Variants in CNTNAP3 observed in about 807,000 individuals in gnomAD.
CNTNAP3 encodes the protein contactin-associated protein-like 3.
Under a neutral mutation model 92.1 loss-of-function variants are expected in CNTNAP3, and 36 were observed. That is an observed-to-expected ratio of 0.39 (90% confidence interval 0.30 to 0.52). The LOEUF is 0.52. Ranked by LOEUF, CNTNAP3 falls within the 20% of genes least tolerant of loss-of-function variation. The pLI is 0.76. For missense variants in CNTNAP3, 534 were observed against 1,069.6 expected (o/e 0.50, Z 6.98); for synonymous variants, 232 against 422.3 (o/e 0.55, Z 5.53).
At chr9:39,132,108 C>A (rs985266676) in intron 13 of CNTNAP3, among the ~76,000 whole-genome samples, 3 of 152,052 alleles carry the variant, frequency 2.0e-5, no homozygotes, top group African/African-American at 7.3e-5. Flanking sequence ...GCAGCCTGGA[C>A]TTCCTGGGCT....
intron 12 of CNTNAP3, among the ~76,000 whole-genome samples, chr9:39,139,521 TTGTTTC>T (rs1239991909): frequency 1.3e-5 from 2 of 152,230 alleles, no homozygotes; most frequent in African/African-American, 4.8e-5. Context: ...TTTCAGTTAT[TTGTTTC>T]TTTTTCCTTG....
At position 39,066,761 on chromosome 9, in the gene CNTNAP3, C is replaced by T. The variant is rs1199552630; in HGVS notation, c.*7129G>A. ...CTGGTATCATCCTTGTTTTTCTTCT[C>T]TGTGTAAGACTTGTCTTTTTCTCTT... On this transcript the variant is annotated 3_prime_UTR_variant, in exon 24 of 24. Coordinates refer to ENST00000297668, the MANE Select transcript of CNTNAP3 (RefSeq NM_033655.5). Among the ~76,000 whole-genome samples, 5 of 152,426 alleles carry T rather than the reference C, an allele frequency of 3.3e-5. No individual in the cohort carries two copies. The East Asian group carries it at 9.6e-4, about 29-fold the overall frequency.
chr9:39,119,301 G>C (rs1301074728), intron 13 of CNTNAP3, among the ~76,000 whole-genome samples: 1 of 140,284 alleles, frequency 7.1e-6, no homozygotes, highest in African/African-American at 2.7e-5. Flanking sequence ...CTCATCCATA[G>C]ATAAGATCTC....
At chr9:39,101,392 C>G (rs538184452) in intron 17 of CNTNAP3, among the ~76,000 whole-genome samples, 10 of 151,788 alleles carry the variant, frequency 6.6e-5, no homozygotes, top group African/African-American at 2.2e-4. Flanking sequence ...CTTTAAAACA[C>G]TTAAGAAATG....
chr9:39,143,224 G>A (rs1821618759), intron 11 of CNTNAP3, among the ~76,000 whole-genome samples: 2 of 150,796 alleles, frequency 1.3e-5, no homozygotes, highest in African/African-American at 2.4e-5. Flanking sequence ...AGAGGCAGTT[G>A]AGAAGTGTTA....
At position 39,120,879 on chromosome 9, in the gene CNTNAP3, G is replaced by A. The variant is rs527354401; in HGVS notation, c.2081-2620C>T. Among the ~76,000 whole-genome samples, 199 of 152,144 alleles carry A rather than the reference G, an allele frequency of 1.3e-3. 1 individual carries two copies. The highest frequency in any genetic ancestry group is 4.6e-3 in the African/African-American group (191 of 41,502). ...GACTATCCTTATCAATTTTTGAAAT[G>A]ACATATGATAATTGACACAAAAATT... On this transcript the variant is annotated intron_variant, in intron 13 of 23. Coordinates refer to ENST00000297668, the MANE Select transcript of CNTNAP3 (RefSeq NM_033655.5).
intron 14 of CNTNAP3, among the ~76,000 whole-genome samples, chr9:39,111,202 C>A (rs1238836355): frequency 6.6e-6 from 1 of 151,628 alleles, no homozygotes; most frequent in East Asian, 1.9e-4. Context: ...TCTCTTCTGG[C>A]TATTTTGAAA....
chr9:39,161,682 A>ATAATAATAATAATAG (rs1563896427), intron 9 of CNTNAP3, among the ~76,000 whole-genome samples: 1 of 138,694 alleles, frequency 7.2e-6, no homozygotes. Flanking sequence ...AATAATAATA[A>ATAATAATAATAATAG]TAATAATAAT....
chr9:39,129,719 T>G (rs1239983227), intron 13 of CNTNAP3, among the ~76,000 whole-genome samples: 1 of 152,064 alleles, frequency 6.6e-6, no homozygotes, highest in Non-Finnish European at 1.5e-5. Context: ...GAAAAAATAT[T>G]TGCAAATCAC....
intron 13 of CNTNAP3, among the ~76,000 whole-genome samples, chr9:39,128,453 A>G (rs1821200550): frequency 6.6e-6 from 1 of 151,934 alleles, no homozygotes; most frequent in Non-Finnish European, 1.5e-5. Flanking sequence ...ATCAACAGAC[A>G]AAAGAAGAAA....
chr9:39,129,231 C>T (rs1420687980), intron 13 of CNTNAP3, among the ~76,000 whole-genome samples: 2 of 152,178 alleles, frequency 1.3e-5, no homozygotes, highest in Non-Finnish European at 2.9e-5. Flanking sequence ...ATAACTCAAC[C>T]CTGCTATACA....
intron 10 of CNTNAP3, among the ~76,000 whole-genome samples, chr9:39,148,002 A>C (rs1288232535): frequency 1.3e-5 from 2 of 152,184 alleles, no homozygotes; most frequent in Admixed American, 6.5e-5. Flanking sequence ...TGTCACTCAC[A>C]GTGTGGGCCC....
Position 39,140,625 on chromosome 9 carries a change from C to T in CNTNAP3, c.1770G>A (p.Gln590=), listed in dbSNP as rs1170358477. The change falls in exon 12 of 24, where the codon CAG becomes CAA. Residue 590 remains glutamine (Q), a synonymous_variant. Coordinates refer to ENST00000297668, the MANE Select transcript of CNTNAP3 (RefSeq NM_033655.5). ...CTCGGTGCTTGTGGGCTTCACAAGA[C>T]TGCTCGTAGAGAGCTGTAGGAGAAC... The part of the protein sequence containing the change: ...GETCHSSLYE[Q]SCEAHKHRGN... 6.2e-7 allele frequency: 1 copy of T among 1,610,344 alleles called. No individual in the cohort carries two copies. The highest frequency in any genetic ancestry group is 8.5e-7 in the Non-Finnish European group (1 of 1,178,928).
At chr9:39,132,260 G>T (rs1181255098) in intron 13 of CNTNAP3, among the ~76,000 whole-genome samples, 1 of 152,158 alleles carries the variant, frequency 6.6e-6, no homozygotes, top group African/African-American at 2.4e-5. Context: ...AGTGAGTCCT[G>T]CAGGGGACTT....
At position 39,133,065 on chromosome 9, in the gene CNTNAP3, C is replaced by G; in HGVS notation, c.1947G>C (p.Gly649=). The stretch of plus-strand genomic sequence containing the variant: ...CGAAGGACACAGCCGAGCGCGGGTG[C>G]CCGCTGGGGGCACCTCGGAGGGTCA... ...DAVTLRGAPS[G]HPRSAVSFAY... is the part of the protein sequence containing the mutation. The change falls in exon 13 of 24, where the codon GGG becomes GGC. Residue 649 remains glycine (G), a synonymous_variant. Transcript: ENST00000297668. 1 of 1,558,266 alleles carries G rather than the reference C, an allele frequency of 6.4e-7. No homozygotes were observed. The highest frequency in any genetic ancestry group is 8.6e-7 in the Non-Finnish European group (1 of 1,158,588).
intron 18 of CNTNAP3, among the ~76,000 whole-genome samples, chr9:39,089,196 C>A (rs971037906): frequency 1.3e-5 from 2 of 152,118 alleles, no homozygotes; most frequent in South Asian, 2.1e-4. Flanking sequence ...TAACCTCTAG[C>A]AGTCATTCTC....
intron 13 of CNTNAP3, among the ~76,000 whole-genome samples, chr9:39,120,236 A>G (rs2117975475): frequency 6.6e-6 from 1 of 152,318 alleles, no homozygotes; most frequent in Non-Finnish European, 1.5e-5. Context: ...CTGTAAAAGA[A>G]CCCTAATTTG....
At position 39,064,827 on chromosome 9, in the gene CNTNAP3, A is replaced by AAT. The variant is rs1825477137; in HGVS notation, c.*9061_*9062dup. On this transcript the variant is annotated 3_prime_UTR_variant, in exon 24 of 24. Coordinates refer to ENST00000297668, the MANE Select transcript of CNTNAP3 (RefSeq NM_033655.5). ...AAGATTTATATGTATTTGTATAAAAAATAAATAAAGGTGATAATCTCTTGT... is the reference window on the plus strand; with the variant it reads ...AAGATTTATATGTATTTGTATAAAAAATATAAATAAAGGTGATAATCTCTTGT... 6.6e-6 allele frequency among the ~76,000 whole-genome samples: 1 copy of AAT among 152,176 alleles called. No individual in the cohort carries two copies. Among genetic ancestry groups the AAT allele is most frequent in the Non-Finnish European group, 1.5e-5 (1 of 67,990 alleles).
At position 39,105,484 on chromosome 9, in the gene CNTNAP3, AATTT is replaced by A. The variant is rs561172575; in HGVS notation, c.2366-1574_2366-1571del. Among the ~76,000 whole-genome samples, 734 of 152,190 alleles carry A rather than the reference AATTT, an allele frequency of 4.8e-3. 7 individuals are homozygous for A. Among genetic ancestry groups the A allele is most frequent in the Non-Finnish European group, 7.9e-3 (540 of 68,008 alleles). On this transcript the variant is annotated intron_variant, in intron 15 of 23. Coordinates refer to ENST00000297668, the MANE Select transcript of CNTNAP3 (RefSeq NM_033655.5). ...ATAGCTTTTCTCTTGATCTTTTACT[AATTT>A]ATTTGTGTATTTATCCATTGGTTTA...
Sources: gnomAD v4.1 joint callset for allele counts (sites outside exome capture counted in the v4.1 genomes callset) on GRCh38, gnomAD v4.1.1 for gene constraint, MANE v1.5 for transcripts, NCBI Gene and HGNC (gene_info 2026-07-23, HGNC 2026-07-21) for gene names.